Variants in NUP43 observed in about 807,000 individuals in gnomAD.
The protein encoded by NUP43 is nucleoporin Nup43.
NUP43 carries 32 observed loss-of-function variants against 47.3 expected under a neutral mutation model. The observed-to-expected ratio is 0.68, with a 90% CI of 0.51 to 0.91. The LOEUF (loss-of-function observed/expected upper bound fraction) is 0.91. Ranked by LOEUF, NUP43 falls within the 40% of genes least tolerant of loss-of-function variation. The pLI, the probability that NUP43 is intolerant of heterozygous loss-of-function variation, is 0.00. For missense variants in NUP43, 444 were observed against 453.9 expected (o/e 0.98, Z 0.20); for synonymous variants, 147 against 158.4 (o/e 0.93, Z 0.54).
chr6:149,746,627 G>T, upstream of NUP43: 2 of 1,598,852 alleles, frequency 1.3e-6, no homozygotes, highest in Non-Finnish European at 1.7e-6. Flanking sequence ...GTCAATTCTC[G>T]TCGATAGCCA....
At chr6:149,739,153 T>C (rs1785516302) in intron 4 of NUP43, among the ~76,000 whole-genome samples, 1 of 152,190 alleles carries the variant, frequency 6.6e-6, no homozygotes, top group Non-Finnish European at 1.5e-5. Flanking sequence ...TAATTTTGTA[T>C]GTTTAGTAGA....
At chr6:149,736,392 T>G (rs1439519380) in intron 6 of NUP43, 79 bp downstream of exon 6, 2 of 940,340 alleles carry the variant, frequency 2.1e-6, no homozygotes, top group African/African-American at 3.2e-5. Flanking sequence ...ATGATCCACA[T>G]GTATCATTAT....
chr6:149,742,425 A>T lies in NUP43; in HGVS notation c.467T>A (p.Phe156Tyr). The T allele has an allele frequency of 6.2e-7, 1 of 1,614,152 alleles. No individual in the cohort carries two copies. Among genetic ancestry groups the T allele is most frequent in the Non-Finnish European group, 8.5e-7 (1 of 1,180,022 alleles). The change falls in exon 4 of 8, where the codon TTC becomes TAC. Residue 156 changes from phenylalanine to tyrosine, a missense_variant. Physicochemically the swap from Phe to Tyr is conservative, Grantham distance 22 (BLOSUM62 3). Coordinates refer to ENST00000340413, the MANE Select transcript of NUP43 (RefSeq NM_198887.3). Reference protein sequence around the residue: ...TVGEDGRINLFRADHKEAVRT... With the variant: ...TVGEDGRINLYRADHKEAVRT... Reference sequence around the variant, plus strand: ...TACAGCTTCCTTGTGATCAGCTCTGAAGAGATTTATTCGACCATCCTCTCC... The same window carrying T: ...TACAGCTTCCTTGTGATCAGCTCTGTAGAGATTTATTCGACCATCCTCTCC...
At chr6:149,733,679 C>T (rs1244472725) in intron 6 of NUP43, among the ~76,000 whole-genome samples, 2 of 151,912 alleles carry the variant, frequency 1.3e-5, no homozygotes, top group South Asian at 4.1e-4. Flanking sequence ...CAACTGGGCT[C>T]AAGAGATCTG....
At position 149,725,885 on chromosome 6, in the gene NUP43, T is replaced by C. The variant is rs1238704399; in HGVS notation, c.*1084A>G. On this transcript the variant is annotated 3_prime_UTR_variant, in exon 8 of 8. Coordinates refer to ENST00000340413, the MANE Select transcript of NUP43 (RefSeq NM_198887.3). ...TAAAAGGATCAAAATGGCAAAATTC[T>C]TTACTCTGATCATATCATTTGATTA... 1 of 152,192 alleles carries C rather than the reference T, an allele frequency of 6.6e-6. No homozygotes were observed. The highest frequency in any genetic ancestry group is 2.4e-5 in the African/African-American group (1 of 41,438). The allele number at this position is 152,192 out of a possible 1,614,324, so 9.4% of individuals were successfully genotyped here. A position where few individuals can be genotyped will look rare whatever the true frequency, so the allele number is the denominator to read the frequency against.
At position 149,736,602 on chromosome 6, in the gene NUP43, A is replaced by T; in HGVS notation, c.659T>A (p.Leu220His). Residue 220 changes from leucine (L) to histidine (H), a missense_variant, in exon 6 of 8, where the codon CTC (leucine) becomes CAC (histidine). Transcript: ENST00000340413. ...ILSLTGDRVP[L>H]HCVDRHPNQQ... ...GTTGGGATGTCTATCAACACAGTGG[A>T]GTGGCACTCGGTCACCAGTCCTTTT... 6.3e-7 allele frequency: 1 copy of T among 1,589,304 alleles called. No individual in the cohort carries two copies. Among genetic ancestry groups the T allele is most frequent in the South Asian group, 1.1e-5 (1 of 89,530 alleles).
rs1160215441 is a variant in NUP43 at position 149,731,845 on chromosome 6, G to A, written c.791-110C>T. 4.4e-6 allele frequency: 5 copies of A among 1,135,234 alleles called. No homozygotes were observed. The African/African-American group carries it at 4.7e-5, about 11-fold the overall frequency. 70.3% of individuals were successfully genotyped at this position (1,135,234 alleles called of 1,614,324 possible). A position where few individuals can be genotyped will look rare whatever the true frequency, so the allele number is the denominator to read the frequency against. The stretch of plus-strand genomic sequence containing the variant: ...CCATTATCCTCCATCACATACCTTC[G>A]AGCCTCAAGTCTGTCCTAAAAATTA... On this transcript the variant is annotated intron_variant, in intron 6 of 7. Transcript: ENST00000340413.
At position 149,727,114 on chromosome 6, in the gene NUP43, G is replaced by A. The variant is rs182898407; in HGVS notation, c.998C>T (p.Thr333Ile). Reference sequence around the variant, plus strand: ...TTCAATTCGGTCTTTTGCAGGATCAGTGCTGAGCCAGGAGCTAATGACAGA... The same window carrying A: ...TTCAATTCGGTCTTTTGCAGGATCAATGCTGAGCCAGGAGCTAATGACAGA... ...HQSVISSWLS[T>I]DPAKDRIEIT... Residue 333 changes from threonine to isoleucine, a missense_variant, in exon 8 of 8, where the codon ACT (threonine) becomes ATT (isoleucine). By Grantham distance (89) the Thr-to-Ile change is moderately conservative. Coordinates refer to ENST00000340413, the MANE Select transcript of NUP43 (RefSeq NM_198887.3). The A allele has an allele frequency of 2.3e-5, 37 of 1,614,164 alleles. 1 individual carries two copies. The Admixed American group carries it at 5.7e-4, about 25-fold the overall frequency.
chr6:149,732,225 T>C (rs914535737), intron 6 of NUP43, among the ~76,000 whole-genome samples: 6 of 146,224 alleles, frequency 4.1e-5, no homozygotes, highest in Admixed American at 1.4e-4. Context: ...AGAAGCCAAC[T>C]AAATTTGCGT....
In NUP43 at chr6:149,743,709, C is replaced by A; in HGVS notation, c.250G>T (p.Asp84Tyr). ...HGDVMDLQFF[D>Y]QERIVAASST... ...GAAGCAGCGACAATTCTTTCCTGGT[C>A]AAAAAACTAAAGAGAAAATTTCTGC... Residue 84 changes from aspartate (D) to tyrosine (Y), a missense_variant, in exon 3 of 8, where the codon GAC (aspartate) becomes TAC (tyrosine). Asp to Tyr is a radical substitution (Grantham distance 160, BLOSUM62 -3). Coordinates refer to ENST00000340413, the MANE Select transcript of NUP43 (RefSeq NM_198887.3). 3 of 1,605,088 alleles carry A rather than the reference C, an allele frequency of 1.9e-6. No individual in the cohort carries two copies. The South Asian group carries it at 3.4e-5, about 18-fold the overall frequency.
intron 5 of NUP43, among the ~76,000 whole-genome samples, chr6:149,737,016 C>A (rs1055012719): frequency 6.6e-6 from 1 of 151,938 alleles, no homozygotes; most frequent in Non-Finnish European, 1.5e-5. Context: ...AGAGACCAGG[C>A]TCAGTGGCTC....
rs1275388385 is a variant in NUP43 at position 149,726,708 on chromosome 6, G to A, written c.*261C>T. On this transcript the variant is annotated 3_prime_UTR_variant, in exon 8 of 8. Coordinates refer to ENST00000340413, the MANE Select transcript of NUP43 (RefSeq NM_198887.3). ...GCTGTCTGTCAATAATACTCTGAAG[G>A]CAACCTATTCATCAGCACCAGAATC... 2 of 473,262 alleles carry A rather than the reference G, an allele frequency of 4.2e-6. No individual in the cohort carries two copies. Among genetic ancestry groups the A allele is most frequent in the Non-Finnish European group, 7.7e-6 (2 of 259,230 alleles). The allele number at this position is 473,262 out of a possible 1,614,324, so 29.3% of individuals were successfully genotyped here. A position where few individuals can be genotyped will look rare whatever the true frequency, so the allele number is the denominator to read the frequency against.
rs1199930473 is a variant in NUP43, at chr6:149,746,400, G to A, written c.96C>T (p.Phe32=). 1.9e-6 allele frequency: 3 copies of A among 1,614,190 alleles called. 1 individual carries two copies. The highest frequency in any genetic ancestry group is 2.2e-5 in the East Asian group (1 of 44,878). The change falls in exon 1 of 8, where the codon TTC becomes TTT. Residue 32 remains phenylalanine (F), a synonymous_variant. Transcript: ENST00000340413. The part of the protein sequence containing the change: ...PPGSLQTAET[F]ATGSWDNEEN... ...CCTCATTGTCCCAAGATCCTGTAGC[G>A]AACGTCTCCGCGGTCTGTAAACTTC...
chr6:149,737,059 G>C (rs969636483), intron 5 of NUP43, among the ~76,000 whole-genome samples: 1 of 152,062 alleles, frequency 6.6e-6, no homozygotes, highest in Non-Finnish European at 1.5e-5. Context: ...GGGAGGCCAA[G>C]GCAGGTGGAT....
chr6:149,727,976 C>T (rs1784868628), intron 7 of NUP43: 1 of 985,172 alleles, frequency 1.0e-6, no homozygotes, highest in Non-Finnish European at 1.2e-6. Flanking sequence ...GTGCCAAGTC[C>T]CTATGTCTTG....
At position 149,726,735 on chromosome 6, in the gene NUP43, C is replaced by T. The variant is rs902092339; in HGVS notation, c.*234G>A. On this transcript the variant is annotated 3_prime_UTR_variant, in exon 8 of 8. Coordinates refer to ENST00000340413, the MANE Select transcript of NUP43 (RefSeq NM_198887.3). ...AACCTATTCATCAGCACCAGAATCC[C>T]ACTGATTTTCTTCCACATGTTCACA... 1.7e-5 allele frequency: 9 copies of T among 525,626 alleles called. No homozygotes were observed. The East Asian group carries it at 2.0e-4, about 12-fold the overall frequency. The allele number at this position is 525,626 out of a possible 1,614,324, so 32.6% of individuals were successfully genotyped here.
intron 4 of NUP43, among the ~76,000 whole-genome samples, chr6:149,741,090 A>C (rs1043016605): frequency 6.6e-6 from 1 of 151,762 alleles, no homozygotes; most frequent in Non-Finnish European, 1.5e-5. Flanking sequence ...TGTTTCCTCT[A>C]GTCAGTCATT....
chr6:149,727,833 A>G (rs986148819), intron 7 of NUP43: 1 of 985,016 alleles, frequency 1.0e-6, no homozygotes, highest in Non-Finnish European at 1.2e-6. Context: ...CAGAGGCAGT[A>G]TATTTCAATT....
chr6:149,744,910 TTTA>T (rs1477318225), intron 2 of NUP43, among the ~76,000 whole-genome samples: 1 of 150,330 alleles, frequency 6.7e-6, no homozygotes, highest in Non-Finnish European at 1.5e-5. Flanking sequence ...TATTTATTTA[TTTA>T]TTATTATTAT....
Sources: gnomAD v4.1 joint callset for allele counts (sites outside exome capture counted in the v4.1 genomes callset) on GRCh38, gnomAD v4.1.1 for gene constraint, MANE v1.5 for transcripts, NCBI Gene and HGNC (gene_info 2026-07-23, HGNC 2026-07-21) for gene names.